Variants in TENM3 observed in about 807,000 individuals in gnomAD.
TENM3 encodes the protein teneurin-3.
Under a neutral mutation model 255.1 loss-of-function variants are expected in TENM3, and 63 were observed. The observed-to-expected ratio is 0.25, with a 90% CI of 0.20 to 0.30. The LOEUF is 0.30. Among genes scored for constraint, TENM3 ranks in the 10% least tolerant of loss-of-function variants. The probability of loss-of-function intolerance (pLI) is 1.00; values close to 1 mark genes in which losing one functional copy is unlikely to be tolerated. For synonymous variants in TENM3, 1,306 were observed against 1,322.3 expected, an observed-to-expected ratio of 0.99 and a Z score of 0.27; for missense variants, 2,929 against 3,461.1, an observed-to-expected ratio of 0.85 and a Z score of 3.86.
chr4:182,350,855 T>A (rs559423243), intron 3 of TENM3, among the ~76,000 whole-genome samples: 1 of 152,262 alleles, frequency 6.6e-6, no homozygotes, highest in East Asian at 1.9e-4. Context: ...CAGCTAATTT[T>A]TGTATTTTTA....
chr4:182,085,954 T>C, the TENM3 span, among the ~76,000 whole-genome samples: 1 of 152,210 alleles, frequency 6.6e-6, no homozygotes, highest in Non-Finnish European at 1.5e-5. Context: ...TAGGAAACTC[T>C]TCCTTTTAAC....
chr4:182,792,255 G>A lies in TENM3; in HGVS notation c.5602-19G>A. 1.2e-6 allele frequency: 2 copies of A among 1,602,014 alleles called. No individual in the cohort carries two copies. Among genetic ancestry groups the A allele is most frequent in the Non-Finnish European group, 1.7e-6 (2 of 1,171,266 alleles). ...TCCCGTTCACAAACACTGAGTAACA[G>A]TATGTTCTCTCTTTACAGTCCATGG... On this transcript the variant is annotated intron_variant, in intron 25 of 27. Transcript: ENST00000511685. This position sits in a 1 kb window ranked among gnomAD's most constrained non-coding sequence, Gnocchi z 6.3.
At chr4:182,562,256 G>T (rs1251680765) in intron 3 of TENM3, among the ~76,000 whole-genome samples, 1 of 152,154 alleles carries the variant, frequency 6.6e-6, no homozygotes, top group African/African-American at 2.4e-5. Context: ...AACTCATTAA[G>T]TAGACACAGT....
At chr4:182,263,805 G>T (rs1759044689) in intron 1 of TENM3, among the ~76,000 whole-genome samples, 1 of 152,192 alleles carries the variant, frequency 6.6e-6, no homozygotes, top group Admixed American at 6.5e-5. Context: ...TAAGTCAGAG[G>T]TTGGATTAAA....
the TENM3 span, among the ~76,000 whole-genome samples, chr4:181,981,582 G>A: frequency 2.0e-5 from 3 of 152,126 alleles, no homozygotes; most frequent in Non-Finnish European, 4.4e-5. Flanking sequence ...TCAAAACAGA[G>A]AGAAAGAGAA....
intron 3 of TENM3, among the ~76,000 whole-genome samples, chr4:182,526,619 T>C (rs1739216951): frequency 6.6e-6 from 1 of 152,172 alleles, no homozygotes; most frequent in African/African-American, 2.4e-5. Context: ...GTAAACTCCA[T>C]GAAGGTCGAG....
chr4:182,452,120 T>C (rs1477878273), intron 3 of TENM3, among the ~76,000 whole-genome samples: 16 of 152,190 alleles, frequency 1.1e-4, no homozygotes, highest in Non-Finnish European at 2.2e-4. Flanking sequence ...ACATATGTAG[T>C]TTAGATTAAA....
intron 3 of TENM3, among the ~76,000 whole-genome samples, chr4:182,573,773 T>A (rs1200358031): frequency 6.6e-6 from 1 of 152,140 alleles, no homozygotes; most frequent in Non-Finnish European, 1.5e-5. Context: ...AGAACTATAG[T>A]TCTCTTCCAG....
chr4:182,546,260 A>G (rs532012582), intron 3 of TENM3, among the ~76,000 whole-genome samples: 33 of 152,312 alleles, frequency 2.2e-4, no homozygotes, highest in African/African-American at 7.7e-4. Context: ...CTGTTGTTGA[A>G]GGACCAGCTG....
chr4:181,941,196 C>T, the TENM3 span, among the ~76,000 whole-genome samples: 1 of 152,162 alleles, frequency 6.6e-6, no homozygotes, highest in Non-Finnish European at 1.5e-5. Flanking sequence ...CATCAGAGTT[C>T]ACTTCTATAA....
the TENM3 span, among the ~76,000 whole-genome samples, chr4:182,107,604 T>G: frequency 6.6e-6 from 1 of 152,344 alleles, no homozygotes; most frequent in Middle Eastern, 3.4e-3. Flanking sequence ...CAGAGCTCAT[T>G]AATCCAGTGA....
At chr4:182,660,436 G>T (rs1287389905) in intron 6 of TENM3, among the ~76,000 whole-genome samples, 1 of 152,188 alleles carries the variant, frequency 6.6e-6, no homozygotes, top group Non-Finnish European at 1.5e-5. Context: ...TTTCTTTATA[G>T]GGTAATATAA....
At chr4:181,716,762 T>A in the TENM3 span, among the ~76,000 whole-genome samples, 1 of 152,158 alleles carries the variant, frequency 6.6e-6, no homozygotes, top group Admixed American at 6.6e-5. Context: ...CAGGCTTAAC[T>A]TATGTATGCA....
chr4:181,604,220 G>C, the TENM3 span, among the ~76,000 whole-genome samples: 4 of 151,996 alleles, frequency 2.6e-5, no homozygotes, highest in Admixed American at 6.6e-5. Flanking sequence ...AGCCGAGATC[G>C]CGCCACAGCA....
At chr4:182,593,616 C>A (rs910206287) in intron 3 of TENM3, among the ~76,000 whole-genome samples, 1 of 152,134 alleles carries the variant, frequency 6.6e-6, no homozygotes, top group Admixed American at 6.5e-5. Flanking sequence ...GGAAGGAGAA[C>A]AGGGTGAAGG....
chr4:181,708,491 G>A, the TENM3 span, among the ~76,000 whole-genome samples: 1 of 151,880 alleles, frequency 6.6e-6, no homozygotes, highest in Admixed American at 6.6e-5. Context: ...CCTTCATGAA[G>A]AAAAGGTTTG....
intron 3 of TENM3, among the ~76,000 whole-genome samples, chr4:182,447,937 G>C (rs1773063146): frequency 6.6e-6 from 1 of 152,102 alleles, no homozygotes; most frequent in Non-Finnish European, 1.5e-5. Context: ...TGATAATAGT[G>C]GATCTGGAGG....
chr4:181,531,423 G>A, the TENM3 span, among the ~76,000 whole-genome samples: 1 of 152,186 alleles, frequency 6.6e-6, no homozygotes, highest in Non-Finnish European at 1.5e-5. Flanking sequence ...AAGTATCCCA[G>A]AGTCTGTTTC....
At position 182,273,249 on chromosome 4, in the gene TENM3, C is replaced by T. The variant is rs146063941; in HGVS notation, c.-76+29773C>T. Among the ~76,000 whole-genome samples, 315 of 152,318 alleles carry T rather than the reference C, an allele frequency of 2.1e-3. 2 individuals are homozygous for T. The highest frequency in any genetic ancestry group is 7.2e-3 in the African/African-American group (301 of 41,572). On this transcript the variant is annotated intron_variant, in intron 1 of 27. Transcript: ENST00000511685. Reference sequence around the variant, plus strand: ...GAGAGGGAGGTGCTGTCAAGCACAGCTCTGAAGAGGTTAAGACGTTTGCCT... The same window carrying T: ...GAGAGGGAGGTGCTGTCAAGCACAGTTCTGAAGAGGTTAAGACGTTTGCCT...
Sources: gnomAD v4.1 joint callset for allele counts (sites outside exome capture counted in the v4.1 genomes callset) on GRCh38, gnomAD v4.1.1 for gene constraint, Gnocchi (gnomAD v3.1) non-coding constraint, MANE v1.5 for transcripts, NCBI Gene and HGNC (gene_info 2026-07-23, HGNC 2026-07-21) for gene names.